Variants in FMN1 observed in about 807,000 individuals in gnomAD.
The protein encoded by FMN1 is formin-1.
Under a neutral mutation model 132.4 loss-of-function variants are expected in FMN1, and 110 were observed. That is an observed-to-expected ratio of 0.83 (90% CI 0.71 to 0.97). The LOEUF (loss-of-function observed/expected upper bound fraction) is 0.97. Ranked by LOEUF, FMN1 falls within the 50% of genes least tolerant of loss-of-function variation. The pLI is 0.00. For missense variants in FMN1, 1,792 were observed against 1,705.3 expected, an observed-to-expected ratio of 1.05 and a Z score of -0.90; for synonymous variants, 722 against 651.7, an observed-to-expected ratio of 1.11 and a Z score of -1.64.
chr15:32,823,152 G>GTTTTTTTTTTTTTTTTTTT (rs373185751), intron 17 of FMN1, among the ~76,000 whole-genome samples: 2 of 86,212 alleles, frequency 2.3e-5, no homozygotes, highest in African/African-American at 1.1e-4. Context: ...AGTTTCTACT[G>GTTTTTTTTTTTTTTTTTTT]TTTTTTTTTT....
At chr15:32,813,800 T>C (rs552999992) in intron 17 of FMN1, among the ~76,000 whole-genome samples, 1 of 152,324 alleles carries the variant, frequency 6.6e-6, no homozygotes, top group South Asian at 2.1e-4. Context: ...ACTATTTGGA[T>C]TACACTAATA....
At chr15:33,068,630 C>CTTTT (rs5811728) in intron 5 of FMN1, among the ~76,000 whole-genome samples, 68,912 of 150,732 alleles carry the variant, frequency 0.46, 16,476 homozygotes, top group Non-Finnish European at 0.53. Flanking sequence ...GCCCTTGAAG[C>CTTTT]TTTTTTTAAG....
chr15:33,051,546 T>C (rs71462844), intron 6 of FMN1, among the ~76,000 whole-genome samples: 2,626 of 152,180 alleles, frequency 0.017, 37 homozygotes, highest in Non-Finnish European at 0.024. Context: ...AGTCTCCCAA[T>C]AGATATAAAC....
chr15:33,088,721 A>G (rs754392423), intron 5 of FMN1, 78 bp downstream of exon 5: 186 of 1,256,342 alleles, frequency 1.5e-4, no homozygotes, highest in Non-Finnish European at 1.9e-4. Context: ...TATATACACA[A>G]TTTACATTAA....
At chr15:32,998,000 A>AG (rs1206368578) in intron 7 of FMN1, among the ~76,000 whole-genome samples, 21 of 152,248 alleles carry the variant, frequency 1.4e-4, no homozygotes, top group Non-Finnish European at 2.9e-4. Context: ...CTGTACCAGA[A>AG]GTCACAATCT....
chr15:32,774,712 T>C (rs769207416), intron 20 of FMN1, among the ~76,000 whole-genome samples: 1 of 152,158 alleles, frequency 6.6e-6, no homozygotes, highest in Non-Finnish European at 1.5e-5. Flanking sequence ...CTTTGGCTCA[T>C]TGATGGAATT....
chr15:33,106,031 T>C (rs567683659), intron 4 of FMN1: 2 of 152,166 alleles, frequency 1.3e-5, no homozygotes, highest in Non-Finnish European at 2.9e-5. Flanking sequence ...TGTTCTGCCT[T>C]CTCTCGGAAC....
chr15:33,089,447 T>A (rs1458649535), intron 4 of FMN1, among the ~76,000 whole-genome samples: 2 of 152,192 alleles, frequency 1.3e-5, no homozygotes, highest in Non-Finnish European at 2.9e-5. Flanking sequence ...CTTGGACAGT[T>A]TGTTGAACGA....
Position 33,089,730 on chromosome 15 carries a change from T to A in FMN1, c.1868-756A>T, listed in dbSNP as rs192054514. On this transcript the variant is annotated intron_variant, in intron 4 of 20. Transcript: ENST00000616417. ...TCAAAATCATAAAATCAGTAAATGG[T>A]TAAGCTAGGACTTGAACCCAGGCAG... Among the ~76,000 whole-genome samples, 14 of 152,314 alleles carry A rather than the reference T, an allele frequency of 9.2e-5. No individual in the cohort carries two copies. The East Asian group carries it at 2.3e-3, about 25-fold the overall frequency.
At chr15:33,153,004 A>T (rs978266520) in intron 4 of FMN1, 44 bp downstream of exon 4, 3 of 1,437,304 alleles carry the variant, frequency 2.1e-6, no homozygotes, top group Non-Finnish European at 2.7e-6. Context: ...ATAGTTCCCC[A>T]ATCAGCCAAG....
intron 7 of FMN1, among the ~76,000 whole-genome samples, chr15:32,993,338 A>G (rs1376723146): frequency 2.6e-5 from 4 of 152,230 alleles, no homozygotes; most frequent in Admixed American, 6.5e-5. Flanking sequence ...ATGTTTTCTC[A>G]GTTAATCCTT....
chr15:32,815,103 C>G (rs989034101), intron 17 of FMN1, among the ~76,000 whole-genome samples: 5 of 152,022 alleles, frequency 3.3e-5, no homozygotes, highest in Non-Finnish European at 7.4e-5. Context: ...CCACCACGCC[C>G]GGCTAATTTT....
intron 9 of FMN1, among the ~76,000 whole-genome samples, chr15:32,961,714 T>C (rs1457603525): frequency 2.6e-5 from 4 of 152,010 alleles, no homozygotes; most frequent in South Asian, 2.1e-4. Context: ...GATTACCCCA[T>C]TGAATAATTA....
chr15:32,861,286 A>C (rs1424837538), intron 16 of FMN1, among the ~76,000 whole-genome samples: 1 of 152,228 alleles, frequency 6.6e-6, no homozygotes, highest in Non-Finnish European at 1.5e-5. Flanking sequence ...TTGTTTCCCC[A>C]ATTACAAAAG....
At chr15:33,104,293 TG>T (rs1488155561) in intron 4 of FMN1, among the ~76,000 whole-genome samples, 1 of 152,194 alleles carries the variant, frequency 6.6e-6, no homozygotes, top group Non-Finnish European at 1.5e-5. Flanking sequence ...TCAGGAGTCA[TG>T]TTTTTACTTT....
At chr15:33,067,879 C>G in intron 5 of FMN1, 4 of 1,607,440 alleles carry the variant, frequency 2.5e-6, no homozygotes, top group Non-Finnish European at 2.5e-6. Context: ...TATCAACGTT[C>G]TCCATGTCTC....
At chr15:33,150,092 A>G (rs1223805763) in intron 4 of FMN1, 17 of 985,338 alleles carry the variant, frequency 1.7e-5, no homozygotes, top group Non-Finnish European at 2.0e-5. Context: ...GAAAACAACC[A>G]CAGGATTACT....
intron 3 of FMN1, among the ~76,000 whole-genome samples, chr15:33,179,362 TATG>T (rs1170451073): frequency 6.6e-6 from 1 of 152,148 alleles, no homozygotes. Context: ...AAATGAAAGG[TATG>T]ATTTCAGGAT....
At chr15:33,114,400 A>G (rs965165499) in intron 4 of FMN1, among the ~76,000 whole-genome samples, 5 of 152,216 alleles carry the variant, frequency 3.3e-5, no homozygotes, top group Non-Finnish European at 5.9e-5. Context: ...TATATGCAGA[A>G]ATGATAAAAA....
Sources: gnomAD v4.1 joint callset for allele counts (sites outside exome capture counted in the v4.1 genomes callset) on GRCh38, gnomAD v4.1.1 for gene constraint, MANE v1.5 for transcripts, NCBI Gene and HGNC (gene_info 2026-07-23, HGNC 2026-07-21) for gene names.